The following ZCCHC2 variants were observed in gnomAD, a reference collection of about 807,000 sequenced individuals.
The protein encoded by ZCCHC2 is zinc finger CCHC-type containing 2.
Under a neutral mutation model 103.6 loss-of-function variants are expected in ZCCHC2, and 39 were observed. The ratio of observed to expected loss-of-function variants is 0.38; its 90% CI spans 0.29 to 0.49. The LOEUF (loss-of-function observed/expected upper bound fraction) is 0.49. ZCCHC2 is among the 20% of genes least tolerant of loss of function. The pLI, the probability that ZCCHC2 is intolerant of heterozygous loss-of-function variation, is 0.96. For synonymous variants in ZCCHC2, 687 were observed against 608.9 expected (o/e 1.13, Z -1.89); for missense variants, 1,483 against 1,491.0 (o/e 0.99, Z 0.09).
chr18:62,543,477 A>G (rs79019565), intron 3 of ZCCHC2, among the ~76,000 whole-genome samples: 4 of 152,150 alleles, frequency 2.6e-5, no homozygotes, highest in African/African-American at 4.8e-5. Context: ...GCAGAATTTC[A>G]GCCCTCATCT....
At chr18:62,530,438 A>G (rs1914628520) in intron 1 of ZCCHC2, among the ~76,000 whole-genome samples, 1 of 152,204 alleles carries the variant, frequency 6.6e-6, no homozygotes, top group Non-Finnish European at 1.5e-5. Flanking sequence ...TGTCTTGAGC[A>G]TGCATTCTTT....
intron 7 of ZCCHC2, 106 bp downstream of exon 7, chr18:62,558,876 GGTTGCATTACAAATAA>G (rs1916000473): frequency 1.5e-6 from 1 of 645,236 alleles, no homozygotes; most frequent in African/African-American, 1.9e-5. Flanking sequence ...ATGTGACAGA[GGTTGCATTACAAATAA>G]GTGGAGAAGG....
intron 1 of ZCCHC2, among the ~76,000 whole-genome samples, chr18:62,527,259 CT>C (rs1231806406): frequency 6.6e-6 from 1 of 152,056 alleles, no homozygotes; most frequent in Non-Finnish European, 1.5e-5. Flanking sequence ...ACTGAATCAG[CT>C]TGTCTATTAA....
At chr18:62,573,258 A>G (rs914403249) in intron 12 of ZCCHC2, among the ~76,000 whole-genome samples, 31 of 152,188 alleles carry the variant, frequency 2.0e-4, no homozygotes, top group Non-Finnish European at 5.9e-5. Context: ...GTCTGGGTCT[A>G]TGATGTTTAA....
At chr18:62,535,618 A>C (rs1770459202) in intron 1 of ZCCHC2, among the ~76,000 whole-genome samples, 1 of 152,162 alleles carries the variant, frequency 6.6e-6, no homozygotes. Flanking sequence ...TGCCAGGAGA[A>C]GTGCATGTCT....
intron 9 of ZCCHC2, among the ~76,000 whole-genome samples, chr18:62,563,598 T>C (rs960995436): frequency 6.6e-6 from 1 of 152,298 alleles, no homozygotes; most frequent in East Asian, 1.9e-4. Flanking sequence ...TCAAGGCTGC[T>C]GTGAGCCATG....
intron 1 of ZCCHC2, among the ~76,000 whole-genome samples, chr18:62,536,680 A>G (rs2145492445): frequency 6.6e-6 from 1 of 152,324 alleles, no homozygotes; most frequent in South Asian, 2.1e-4. Context: ...TGAGTTTAGT[A>G]ATAGCTTCTA....
intron 12 of ZCCHC2, 35 bp from the exon 13 acceptor site, chr18:62,574,020 GCC>G: frequency 6.4e-7 from 1 of 1,568,592 alleles, no homozygotes; most frequent in South Asian, 1.2e-5. Context: ...TGGGAGTTAT[GCC>G]CGTGTTAATA....
chr18:62,525,238 A>G (rs1262405871), intron 1 of ZCCHC2: 1 of 152,254 alleles, frequency 6.6e-6, no homozygotes, highest in Non-Finnish European at 1.5e-5. Flanking sequence ...CAGATGAGAC[A>G]CTTGTCGCAA....
At chr18:62,533,081 A>T (rs1420925616) in intron 1 of ZCCHC2, among the ~76,000 whole-genome samples, 1 of 152,034 alleles carries the variant, frequency 6.6e-6, no homozygotes, top group African/African-American at 2.4e-5. Context: ...CTGTCTTAAA[A>T]ATAAGTAAAT....
intron 9 of ZCCHC2, 132 bp downstream of exon 9, chr18:62,563,276 T>G: frequency 9.3e-7 from 1 of 1,079,086 alleles, no homozygotes; most frequent in South Asian, 1.9e-5. Context: ...AGTTTTAGAC[T>G]TTATACTTAT....
chr18:62,549,773 G>A (rs9965738), intron 4 of ZCCHC2, among the ~76,000 whole-genome samples: 22,331 of 152,160 alleles, frequency 0.15, 2,053 homozygotes, highest in African/African-American at 0.26. Flanking sequence ...AATCACATGA[G>A]GCACCTCTGG....
chr18:62,539,832 C>CA, intron 2 of ZCCHC2, 40 bp downstream of exon 2: 1 of 1,462,080 alleles, frequency 6.8e-7, no homozygotes. Context: ...ATTAATACAT[C>CA]AAAAGATTAC....
chr18:62,565,328 C>T, intron 11 of ZCCHC2, among the ~76,000 whole-genome samples: 1 of 152,092 alleles, frequency 6.6e-6, no homozygotes, highest in East Asian at 1.9e-4. Flanking sequence ...TGATTCTCAC[C>T]TGCCTCTCCC....
intron 1 of ZCCHC2, among the ~76,000 whole-genome samples, chr18:62,527,494 G>A (rs1914485428): frequency 1.3e-5 from 2 of 152,196 alleles, no homozygotes; most frequent in Admixed American, 1.3e-4. Flanking sequence ...TTACTTTTAA[G>A]AGTAACATTT....
intron 3 of ZCCHC2, among the ~76,000 whole-genome samples, chr18:62,544,042 T>C (rs932001752): frequency 3.3e-5 from 5 of 152,246 alleles, no homozygotes; most frequent in Non-Finnish European, 7.3e-5. Context: ...ACTTATAAGT[T>C]GGTAAGGCCT....
At chr18:62,541,576 T>C (rs1360141541) in intron 2 of ZCCHC2, among the ~76,000 whole-genome samples, 3 of 152,058 alleles carry the variant, frequency 2.0e-5, no homozygotes, top group African/African-American at 7.2e-5. Flanking sequence ...CCCATTCTGT[T>C]GAGTTACTTT....
Position 62,574,475 on chromosome 18 carries a change from C to T in ZCCHC2, c.2394C>T (p.Thr798=). 2.5e-6 allele frequency: 4 copies of T among 1,613,976 alleles called. No individual in the cohort carries two copies. Among genetic ancestry groups the T allele is most frequent in the South Asian group, 1.1e-5 (1 of 91,086 alleles). The stretch of plus-strand genomic sequence containing the variant: ...CTTCCCCTTTACCTATTCCATCAAC[C>T]TTCCTTCCACACAGTAGTACTCCCG... ...LLASPLPIPS[T]FLPHSSTPAL... Residue 798 remains threonine, a synonymous_variant, in exon 13 of 14, where the codon ACC becomes ACT. Transcript: ENST00000269499.
chr18:62,573,236 C>T (rs1598965805), intron 12 of ZCCHC2, among the ~76,000 whole-genome samples: 1 of 152,136 alleles, frequency 6.6e-6, no homozygotes, highest in Non-Finnish European at 1.5e-5. Flanking sequence ...TCTGTGTATA[C>T]ATCAACACAG....
Sources: gnomAD v4.1 joint callset for allele counts (sites outside exome capture counted in the v4.1 genomes callset) on GRCh38, gnomAD v4.1.1 for gene constraint, MANE v1.5 for transcripts, NCBI Gene and HGNC (gene_info 2026-07-23, HGNC 2026-07-21) for gene names.